MINDY4B: variants seen among roughly 807,000 people sequenced by gnomAD.
The protein encoded by MINDY4B is MINDY family member 4B, also known as inactive ubiquitin carboxyl-terminal hydrolase MINDY-4B.
Under a neutral mutation model 16.7 loss-of-function variants are expected in MINDY4B, and 25 were observed. The observed-to-expected ratio is 1.49, with a 90% CI of 1.09 to 2.09. The LOEUF (loss-of-function observed/expected upper bound fraction) is 2.09. Among genes scored for constraint, MINDY4B ranks in the 30% most tolerant of loss-of-function variants. MINDY4B has a pLI of 0.00. For synonymous variants in MINDY4B, 132 were observed against 61.9 expected (o/e 2.13, Z -5.32); for missense variants, 327 against 168.4 (o/e 1.94, Z -5.21).
At chr3:150,875,038 A>G (rs1717057427) in intron 10 of MINDY4B, among the ~76,000 whole-genome samples, 1 of 152,248 alleles carries the variant, frequency 6.6e-6, no homozygotes, top group Non-Finnish European at 1.5e-5. Flanking sequence ...TAGTAGGTAC[A>G]GGATTTGTTG....
intron 3 of MINDY4B, among the ~76,000 whole-genome samples, chr3:150,900,240 A>C (rs1712083934): frequency 6.6e-6 from 1 of 152,220 alleles, no homozygotes. Context: ...GCAAAAGGTG[A>C]GAAACAGGAG....
At chr3:150,893,175 A>C (rs1711860248) in intron 5 of MINDY4B, 149 bp downstream of exon 5, 10 of 622,170 alleles carry the variant, frequency 1.6e-5, no homozygotes, top group Non-Finnish European at 2.9e-5. Context: ...CAGTGGCAGA[A>C]TCCAGCCTCT....
In MINDY4B at chr3:150,882,973, T is replaced by C; in HGVS notation, c.983A>G (p.His328Arg). The C allele has an allele frequency of 1.4e-6, 1 of 702,848 alleles. No individual in the cohort carries two copies. 43.5% of individuals were successfully genotyped at this position (702,848 alleles called of 1,614,324 possible). A position where few individuals can be genotyped will look rare whatever the true frequency, so the allele number is the denominator to read the frequency against. ...AACATCACTGCGGGTCAGGACTCCA[T>C]GTAGTGTTTCCTGAGACTTTCCTTC... Reference protein sequence around the residue: ...CEEGKSQETLHGVLTRSDVGY... With the variant: ...CEEGKSQETLRGVLTRSDVGY... Residue 328 changes from histidine (H) to arginine (R), a missense_variant, in exon 10 of 12, where the codon CAT (histidine) becomes CGT (arginine). Coordinates refer to ENST00000465419, the MANE Select transcript of MINDY4B (RefSeq NM_001351281.2).
intron 4 of MINDY4B, among the ~76,000 whole-genome samples, 170 bp from the exon 5 acceptor site, chr3:150,893,585 G>A (rs575643731): frequency 5.9e-5 from 9 of 152,134 alleles, no homozygotes; most frequent in Non-Finnish European, 1.3e-4. Flanking sequence ...TGGCTGGGCT[G>A]GATTCTGCAA....
At chr3:150,888,860 A>G (rs541603123) in intron 7 of MINDY4B, among the ~76,000 whole-genome samples, 2 of 152,148 alleles carry the variant, frequency 1.3e-5, no homozygotes, top group Middle Eastern at 6.8e-3. Flanking sequence ...TTTCTTGCAG[A>G]TATGGGTGGG....
chr3:150,893,708 TGGG>T (rs549403044), intron 4 of MINDY4B, among the ~76,000 whole-genome samples: 3 of 14,314 alleles, frequency 2.1e-4, no homozygotes, highest in Non-Finnish European at 4.5e-4. Flanking sequence ...GGGGGGGGGG[TGGG>T]GTGCAGTCTT....
intron 10 of MINDY4B, among the ~76,000 whole-genome samples, chr3:150,877,561 CT>C (rs1711498826): frequency 6.6e-6 from 1 of 152,114 alleles, no homozygotes; most frequent in Admixed American, 6.5e-5. Flanking sequence ...AAATGGTCTT[CT>C]GGTTAGCATG....
chr3:150,894,859 A>G (rs1301066240), intron 3 of MINDY4B, among the ~76,000 whole-genome samples: 2 of 152,238 alleles, frequency 1.3e-5, no homozygotes, highest in Admixed American at 1.3e-4. Context: ...ATCATTTAGC[A>G]TGTACTCGAT....
chr3:150,888,090 G>C (rs1711674512), intron 7 of MINDY4B, among the ~76,000 whole-genome samples: 1 of 151,970 alleles, frequency 6.6e-6, no homozygotes, highest in Non-Finnish European at 1.5e-5. Context: ...CCGGGAGCCG[G>C]AGCAAGATTC....
intron 7 of MINDY4B, among the ~76,000 whole-genome samples, chr3:150,888,600 C>T (rs773696042): frequency 2.6e-5 from 4 of 152,144 alleles, no homozygotes; most frequent in South Asian, 2.1e-4. Flanking sequence ...TGTGCAACCC[C>T]GTCTCAGTGA....
chr3:150,876,334 A>T (rs1347074218), intron 10 of MINDY4B, among the ~76,000 whole-genome samples: 1 of 152,204 alleles, frequency 6.6e-6, no homozygotes, highest in East Asian at 1.9e-4. Context: ...TGTCTAGAAC[A>T]ATGGCGCTTA....
intron 7 of MINDY4B, among the ~76,000 whole-genome samples, chr3:150,889,686 A>G (rs943924759): frequency 6.6e-6 from 1 of 152,186 alleles, no homozygotes; most frequent in East Asian, 1.9e-4. Context: ...GTATCACTTC[A>G]TGGTTATCCT....
At position 150,894,193 on chromosome 3, in the gene MINDY4B, A is replaced by G. The variant is rs770428747; in HGVS notation, c.422T>C (p.Val141Ala). ...PSSELAFTLE[V>A]GKGGARSIQM... ...TTATAAACTGGCTATTACCTTTCCC[A>G]CTTCCAGAGTGAAAGCTAGTTCAGA... Residue 141 changes from valine (V) to alanine (A), a missense_variant, in exon 4 of 12, where the codon GTG becomes GCG. Transcript: ENST00000465419. The G allele has an allele frequency of 3.0e-5, 21 of 690,680 alleles. 1 individual carries two copies. The highest frequency in any genetic ancestry group is 2.8e-4 in the South Asian group (18 of 64,924). The allele number at this position is 690,680 out of a possible 1,614,324, so 42.8% of individuals were successfully genotyped here. A position where few individuals can be genotyped will look rare whatever the true frequency, so the allele number is the denominator to read the frequency against.
intron 10 of MINDY4B, among the ~76,000 whole-genome samples, chr3:150,879,995 C>T (rs1394760236): frequency 6.6e-6 from 1 of 152,182 alleles, no homozygotes; most frequent in Non-Finnish European, 1.5e-5. Context: ...TAACATTATG[C>T]CTTGTTATCT....
chr3:150,876,138 C>G (rs1453235693), intron 10 of MINDY4B, among the ~76,000 whole-genome samples: 3 of 152,158 alleles, frequency 2.0e-5, no homozygotes, highest in Non-Finnish European at 4.4e-5. Flanking sequence ...AAATAAAATA[C>G]CTTTCTCCTT....
chr3:150,882,433 G>T (rs932143104), intron 10 of MINDY4B, among the ~76,000 whole-genome samples: 1 of 151,706 alleles, frequency 6.6e-6, no homozygotes, highest in Non-Finnish European at 1.5e-5. Flanking sequence ...GCAATATGTA[G>T]GCTGTGTGCA....
chr3:150,897,879 C>A (rs890405261), intron 3 of MINDY4B, among the ~76,000 whole-genome samples: 2 of 152,154 alleles, frequency 1.3e-5, no homozygotes, highest in African/African-American at 4.8e-5. Flanking sequence ...AGCCCTAGAC[C>A]CAGAACATCC....
intron 3 of MINDY4B, among the ~76,000 whole-genome samples, chr3:150,899,503 G>A (rs1182102584): frequency 1.3e-5 from 2 of 152,170 alleles, no homozygotes; most frequent in African/African-American, 4.8e-5. Flanking sequence ...AAAGGAGAGA[G>A]TCCTGGGGAG....
At position 150,882,933 on chromosome 3, in the gene MINDY4B, CCACTGCAAATAGCCA is replaced by C. The variant is rs1028529431; in HGVS notation, c.1008_1022del (p.Tyr338_Gly342del). ...TGTCATCTTCCGAGGCATCCTTACC[CCACTGCAAATAGCCA>C]ACATCACTGCGGGTCAGGACTCCAT... On this transcript the variant is annotated inframe_deletion, in exon 10 of 12. Coordinates refer to ENST00000465419, the MANE Select transcript of MINDY4B (RefSeq NM_001351281.2). 1 of 702,698 alleles carries C rather than the reference CCACTGCAAATAGCCA, an allele frequency of 1.4e-6. No homozygotes were observed. Among genetic ancestry groups the C allele is most frequent in the Non-Finnish European group, 2.6e-6 (1 of 384,764 alleles). 43.5% of individuals were successfully genotyped at this position (702,698 alleles called of 1,614,324 possible).
Sources: gnomAD v4.1 joint callset for allele counts (sites outside exome capture counted in the v4.1 genomes callset) on GRCh38, gnomAD v4.1.1 for gene constraint, MANE v1.5 for transcripts, NCBI Gene and HGNC (gene_info 2026-07-23, HGNC 2026-07-21) for gene names.